The following CEP63 variants were observed in gnomAD, a reference collection of about 807,000 sequenced individuals.
CEP63 encodes the protein centrosomal protein 63.
A neutral mutation model predicts 89.1 loss-of-function variants in CEP63; 84 were observed. That is an observed-to-expected ratio of 0.94 (90% CI 0.79 to 1.13). The LOEUF (loss-of-function observed/expected upper bound fraction) is 1.13, where lower values mean the gene tolerates loss of function less well. Among genes scored for constraint, CEP63 ranks in the 50% most tolerant of loss-of-function variants. The pLI is 0.00. For synonymous variants in CEP63, 267 were observed against 272.5 expected (o/e 0.98, Z 0.20); for missense variants, 838 against 813.3 (o/e 1.03, Z -0.37).
chr3:134,769,855 A>G, the CEP63 span, among the ~76,000 whole-genome samples: 11,982 of 152,332 alleles, frequency 0.079, 727 homozygotes, highest in South Asian at 0.29. Flanking sequence ...ATACAGGTGT[A>G]TATCAAGGGC....
upstream of CEP63, chr3:134,485,997 C>CCCCCG: frequency 1.0e-6 from 1 of 980,848 alleles, no homozygotes; most frequent in Non-Finnish European, 1.2e-6. Flanking sequence ...CCACGCCCCC[C>CCCCCG]CCCCCTCCCC....
chr3:134,554,190 G>A (rs1435643724), intron 12 of CEP63, among the ~76,000 whole-genome samples: 1 of 151,438 alleles, frequency 6.6e-6, no homozygotes. Flanking sequence ...CCACTAACTC[G>A]TTATCTAGCA....
At chr3:134,650,406 C>T in the CEP63 span, among the ~76,000 whole-genome samples, 1 of 152,286 alleles carries the variant, frequency 6.6e-6, no homozygotes, top group Non-Finnish European at 1.5e-5. Flanking sequence ...CTGACTCAGC[C>T]CAAAGGTTTC....
chr3:134,577,997 C>T (rs1285118176), downstream of CEP63, among the ~76,000 whole-genome samples: 5 of 152,064 alleles, frequency 3.3e-5, no homozygotes, highest in South Asian at 2.1e-4. Context: ...GTATATGTGC[C>T]ACATTTTCTT....
the CEP63 span, among the ~76,000 whole-genome samples, chr3:134,714,461 C>G: frequency 3.3e-5 from 5 of 152,124 alleles, no homozygotes; most frequent in African/African-American, 1.2e-4. Context: ...AATGTGCTCC[C>G]TCTCTCTCCC....
At chr3:134,737,482 A>G in the CEP63 span, among the ~76,000 whole-genome samples, 1 of 152,254 alleles carries the variant, frequency 6.6e-6, no homozygotes, top group African/African-American at 2.4e-5. Context: ...AAAGATATAA[A>G]TAAGTAATTT....
chr3:134,568,629 C>T (rs1176890907), downstream of CEP63, among the ~76,000 whole-genome samples: 1 of 152,184 alleles, frequency 6.6e-6, no homozygotes, highest in Non-Finnish European at 1.5e-5. Flanking sequence ...TATGTTCAAC[C>T]TGCTACCTCC....
At position 134,487,797 on chromosome 3, in the gene CEP63, A is replaced by G. The variant is rs563356420; in HGVS notation, c.-26+1595A>G. On this transcript the variant is annotated intron_variant, in intron 1 of 14. Coordinates refer to ENST00000675561, the MANE Select transcript of CEP63 (RefSeq NM_001353108.3). ...TAACGATTTCTTCAACTGTCTCTTA[A>G]ATGTCTTTTTACAATTAGCTTGTTT... 3.3e-5 allele frequency among the ~76,000 whole-genome samples: 5 copies of G among 152,300 alleles called. No homozygotes were observed. In the East Asian group the frequency reaches 7.7e-4, roughly 24 times the overall value.
In CEP63 at chr3:134,547,339, C is replaced by T. The variant is rs368214414; in HGVS notation, c.934C>T (p.Arg312Trp). The change falls in exon 9 of 15, where the codon CGG becomes TGG. Residue 312 changes from arginine to tryptophan, a missense_variant. Coordinates refer to ENST00000675561, the MANE Select transcript of CEP63 (RefSeq NM_001353108.3). ...TQHAVEAIRPREESLAEKKYT... is the reference protein window; with the variant it reads ...TQHAVEAIRPWEESLAEKKYT... Reference sequence around the variant, plus strand: ...TCATCCTATGTCTTTCCATAGGCCACGGGAAGAATCTCTGGCAGAAAAGAA... The same window carrying T: ...TCATCCTATGTCTTTCCATAGGCCATGGGAAGAATCTCTGGCAGAAAAGAA... 3.7e-6 allele frequency: 6 copies of T among 1,613,238 alleles called. No individual in the cohort carries two copies. Among genetic ancestry groups the T allele is most frequent in the Non-Finnish European group, 4.2e-6 (5 of 1,179,350 alleles).
chr3:134,494,236 C>T (rs992302763), intron 1 of CEP63, among the ~76,000 whole-genome samples: 2 of 151,780 alleles, frequency 1.3e-5, no homozygotes, highest in African/African-American at 4.8e-5. Flanking sequence ...CTACCTCAGC[C>T]TCCCCATGGC....
the CEP63 span, among the ~76,000 whole-genome samples, chr3:134,764,151 T>G: frequency 3.1e-4 from 47 of 152,346 alleles, no homozygotes; most frequent in Non-Finnish European, 5.1e-4. Context: ...CCAGTTTGCC[T>G]CAATGCCAAG....
At position 134,550,318 on chromosome 3, in the gene CEP63, T is replaced by C. The variant is rs116068934; in HGVS notation, c.1380+58T>C. The stretch of plus-strand genomic sequence containing the variant: ...AAATTTGTTTTAAAGATGGAGTTGA[T>C]TAAAGACATAATTTTCATAATATTT... On this transcript the variant is annotated intron_variant, in intron 11 of 14. Transcript: ENST00000675561. The C allele has an allele frequency of 1.9e-3, 2,808 of 1,455,890 alleles. 53 individuals carry two copies. In the African/African-American group the frequency reaches 0.034, roughly 18 times the overall value. 90.2% of individuals were successfully genotyped at this position (1,455,890 alleles called of 1,614,324 possible).
chr3:134,634,322 G>A, the CEP63 span, among the ~76,000 whole-genome samples: 1 of 152,048 alleles, frequency 6.6e-6, no homozygotes, highest in Admixed American at 6.5e-5. Flanking sequence ...AAAGATGGGA[G>A]GACTCCCACT....
chr3:134,544,327 A>G (rs1952709570), intron 6 of CEP63, among the ~76,000 whole-genome samples: 1 of 152,218 alleles, frequency 6.6e-6, no homozygotes. Context: ...TGTAAAAACT[A>G]AAAAGTTTGG....
At chr3:134,588,087 G>C (rs1439505081), downstream of CEP63, among the ~76,000 whole-genome samples, 1 of 152,130 alleles carries the variant, frequency 6.6e-6, no homozygotes, top group African/African-American at 2.4e-5. Context: ...GAGGCCAGGA[G>C]TTCGAGACCA....
the CEP63 span, chr3:134,624,935 G>A: frequency 1.1e-6 from 1 of 871,110 alleles, no homozygotes; most frequent in South Asian, 1.5e-5. Context: ...GGCATTCCAG[G>A]GCCATCCAAC....
the CEP63 span, chr3:134,603,591 C>T: frequency 1.3e-6 from 2 of 1,581,048 alleles, no homozygotes; most frequent in Non-Finnish European, 1.7e-6. Flanking sequence ...ACTGGGCATT[C>T]ACTTTGTATT....
At chr3:134,707,649 C>T in the CEP63 span, among the ~76,000 whole-genome samples, 6 of 151,540 alleles carry the variant, frequency 4.0e-5, no homozygotes, top group African/African-American at 1.2e-4. Context: ...GGTTGTACAA[C>T]GGTGATGTTG....
At chr3:134,670,412 TAGTC>T in the CEP63 span, among the ~76,000 whole-genome samples, 20 of 152,206 alleles carry the variant, frequency 1.3e-4, no homozygotes, top group African/African-American at 4.8e-4. Flanking sequence ...TAGATGGTCA[TAGTC>T]AGAGCCTCCA....
Sources: gnomAD v4.1 joint callset for allele counts (sites outside exome capture counted in the v4.1 genomes callset) on GRCh38, gnomAD v4.1.1 for gene constraint, MANE v1.5 for transcripts, NCBI Gene and HGNC (gene_info 2026-07-23, HGNC 2026-07-21) for gene names.